RSPO2: variants seen among roughly 807,000 people sequenced by gnomAD.
The protein encoded by RSPO2 is R-spondin 2, also known as R-spondin-2.
A neutral mutation model predicts 30.9 loss-of-function variants in RSPO2; 14 were observed. The observed-to-expected ratio is 0.45, with a 90% CI of 0.30 to 0.71. The LOEUF (loss-of-function observed/expected upper bound fraction) is 0.71. Among genes scored for constraint, RSPO2 ranks in the 30% least tolerant of loss-of-function variants. The pLI, the probability that RSPO2 is intolerant of heterozygous loss-of-function variation, is 0.08. For missense variants in RSPO2, 264 were observed against 301.9 expected (o/e 0.87, Z 0.93); for synonymous variants, 107 against 96.4 (o/e 1.11, Z -0.64).
chr8:108,011,613 T>A (rs138436865), intron 2 of RSPO2, among the ~76,000 whole-genome samples: 1 of 152,358 alleles, frequency 6.6e-6, no homozygotes, highest in African/African-American at 2.4e-5. Flanking sequence ...CTTTAAAAGT[T>A]GTCCAGTGTT....
At chr8:107,947,064 C>A (rs1277991201) in intron 5 of RSPO2, among the ~76,000 whole-genome samples, 2 of 152,212 alleles carry the variant, frequency 1.3e-5, no homozygotes, top group Non-Finnish European at 2.9e-5. Flanking sequence ...AAACTGCAAA[C>A]TGATTAGCTA....
At chr8:108,017,002 T>C (rs1370976701) in intron 2 of RSPO2, among the ~76,000 whole-genome samples, 5 of 151,890 alleles carry the variant, frequency 3.3e-5, no homozygotes, top group Non-Finnish European at 5.9e-5. Flanking sequence ...TCTCAGATAT[T>C]TCTTTCTTTT....
chr8:107,960,844 G>T lies in RSPO2; in HGVS notation c.284-27C>A, dbSNP rs138177697. On this transcript the variant is annotated intron_variant, in intron 3 of 5. Transcript: ENST00000276659. ...TAAAAACAATTTTAAAGAGAAAAAAGAAAATTTCAGTCAAAGAAATTTACT... is the reference window on the plus strand; with the variant it reads ...TAAAAACAATTTTAAAGAGAAAAAATAAAATTTCAGTCAAAGAAATTTACT... The T allele has an allele frequency of 8.6e-6, 13 of 1,508,240 alleles. No homozygotes were observed. In the East Asian group the frequency reaches 9.4e-5, roughly 11 times the overall value. 93.4% of individuals were successfully genotyped at this position (1,508,240 alleles called of 1,614,324 possible). A position where few individuals can be genotyped will look rare whatever the true frequency, so the allele number is the denominator to read the frequency against.
intron 3 of RSPO2, among the ~76,000 whole-genome samples, chr8:107,986,327 C>G (rs888188773): frequency 6.6e-6 from 1 of 152,108 alleles, no homozygotes; most frequent in South Asian, 2.1e-4. Flanking sequence ...CCTGCTTGTA[C>G]CAGGTAATGA....
chr8:108,078,453 A>G (rs934354139), intron 2 of RSPO2, among the ~76,000 whole-genome samples: 1 of 152,250 alleles, frequency 6.6e-6, no homozygotes, highest in South Asian at 2.1e-4. Context: ...ATTTAACTGT[A>G]GGTTAGTATG....
intron 2 of RSPO2, among the ~76,000 whole-genome samples, chr8:108,024,435 TA>T (rs557656370): frequency 5.5e-4 from 78 of 141,168 alleles, no homozygotes; most frequent in Non-Finnish European, 4.5e-4. Flanking sequence ...TACTGTTAAG[TA>T]AAAAAAAAAA....
At chr8:108,009,863 G>A (rs935033679) in intron 2 of RSPO2, among the ~76,000 whole-genome samples, 1 of 151,948 alleles carries the variant, frequency 6.6e-6, no homozygotes, top group Non-Finnish European at 1.5e-5. Flanking sequence ...AAGCCTGGAT[G>A]ACATGGCAAA....
At chr8:107,942,858 C>T (rs1812942492) in intron 5 of RSPO2, among the ~76,000 whole-genome samples, 1 of 152,202 alleles carries the variant, frequency 6.6e-6, no homozygotes, top group Admixed American at 6.5e-5. Flanking sequence ...ATTATAGTTG[C>T]TGTTTTTATT....
intron 3 of RSPO2, among the ~76,000 whole-genome samples, chr8:107,970,183 C>A (rs540320184): frequency 1.3e-5 from 2 of 152,078 alleles, no homozygotes; most frequent in African/African-American, 2.4e-5. Context: ...CAAAATGCAG[C>A]CACAGACAAT....
chr8:108,038,337 G>C (rs1168912318), intron 2 of RSPO2, among the ~76,000 whole-genome samples: 1 of 152,212 alleles, frequency 6.6e-6, no homozygotes, highest in Admixed American at 6.5e-5. Flanking sequence ...AACTTGAATG[G>C]ATGAGGAGTT....
Position 108,082,644 on chromosome 8 carries a change from C to A in RSPO2, c.-6G>T, listed in dbSNP as rs182423206. ...GAGAAAAGGCGAAACTGCATCTGGG[C>A]GGTCGGGCGGGGGAGAGACGCCTCT... On this transcript the variant is annotated 5_prime_UTR_variant, in exon 2 of 6. Coordinates refer to ENST00000276659, the MANE Select transcript of RSPO2 (RefSeq NM_178565.5). The A allele has an allele frequency of 6.2e-7, 1 of 1,612,644 alleles. No individual in the cohort carries two copies. The highest frequency in any genetic ancestry group is 1.1e-5 in the South Asian group (1 of 91,024).
At chr8:107,982,194 T>C (rs932602348) in intron 3 of RSPO2, among the ~76,000 whole-genome samples, 1 of 152,186 alleles carries the variant, frequency 6.6e-6, no homozygotes, top group Non-Finnish European at 1.5e-5. Context: ...ATATCTCATT[T>C]CTGTATTTGT....
intron 2 of RSPO2, among the ~76,000 whole-genome samples, chr8:108,030,012 T>A (rs917125426): frequency 1.1e-4 from 16 of 150,312 alleles, no homozygotes; most frequent in Non-Finnish European, 1.6e-4. Context: ...AACATTTTTT[T>A]TAAATAACAG....
At position 107,958,168 on chromosome 8, in the gene RSPO2, A is replaced by G. The variant is rs200806324; in HGVS notation, c.528T>C (p.Ile176=). ...KWGLETRTRQ[I]VKKPVKDTIL... ...TTGTGTCTTTCACTGGCTTTTTAAC[A>G]ATTTGCCGTGTTCTGGTTTCCAGAC... Residue 176 remains isoleucine (I), a synonymous_variant, in exon 5 of 6, where the codon ATT becomes ATC. Transcript: ENST00000276659. 1.9e-6 allele frequency: 3 copies of G among 1,613,752 alleles called. No homozygotes were observed. Among genetic ancestry groups the G allele is most frequent in the Admixed American group, 1.7e-5 (1 of 59,984 alleles).
At chr8:108,034,917 C>T (rs1811543601) in intron 2 of RSPO2, among the ~76,000 whole-genome samples, 1 of 152,224 alleles carries the variant, frequency 6.6e-6, no homozygotes, top group African/African-American at 2.4e-5. Context: ...ATGATTTGAG[C>T]AATATTACCA....
chr8:108,068,025 C>T (rs528930810), intron 2 of RSPO2, among the ~76,000 whole-genome samples: 12 of 151,936 alleles, frequency 7.9e-5, no homozygotes, highest in East Asian at 3.9e-4. Flanking sequence ...GCTGAGACCA[C>T]GCCATTGCAC....
intron 2 of RSPO2, among the ~76,000 whole-genome samples, chr8:108,017,844 C>A (rs1810943300): frequency 1.3e-5 from 2 of 152,134 alleles, no homozygotes; most frequent in South Asian, 4.1e-4. Context: ...TTACATGGAA[C>A]CTCCAAAAAT....
At chr8:107,963,880 G>T (rs1004076219) in intron 3 of RSPO2, among the ~76,000 whole-genome samples, 1 of 152,066 alleles carries the variant, frequency 6.6e-6, no homozygotes, top group Non-Finnish European at 1.5e-5. Context: ...TTGAGTGCAT[G>T]AATTATACCC....
intron 2 of RSPO2, among the ~76,000 whole-genome samples, chr8:107,994,584 AT>A (rs1354560834): frequency 6.6e-6 from 1 of 152,156 alleles, no homozygotes; most frequent in Admixed American, 6.6e-5. Flanking sequence ...AAATGTAGAA[AT>A]GATACAATCT....
Sources: allele counts gnomAD v4.1 joint callset (sites outside exome capture counted in the v4.1 genomes callset), GRCh38; gene constraint gnomAD v4.1.1; transcripts MANE v1.5; gene names NCBI Gene and HGNC (gene_info 2026-07-23, HGNC 2026-07-21).